ANO10: variants seen among roughly 807,000 people sequenced by gnomAD.
The protein encoded by ANO10 is anoctamin-10.
ANO10 carries 77 observed loss-of-function variants against 74.7 expected under a neutral mutation model. The observed-to-expected ratio is 1.03, with a 90% CI of 0.86 to 1.25. The LOEUF is 1.25. Among genes scored for constraint, ANO10 ranks in the 50% most tolerant of loss-of-function variants. ANO10 has a pLI of 0.00. For missense variants in ANO10, 721 were observed against 778.1 expected (o/e 0.93, Z 0.87); for synonymous variants, 279 against 284.9 (o/e 0.98, Z 0.21).
intron 12 of ANO10, among the ~76,000 whole-genome samples, chr3:43,420,788 T>G (rs775392712): frequency 6.6e-6 from 1 of 152,234 alleles, no homozygotes; most frequent in Non-Finnish European, 1.5e-5. Flanking sequence ...TTAATGATGT[T>G]CACTTAATTA....
intron 12 of ANO10, among the ~76,000 whole-genome samples, chr3:43,421,009 G>A (rs2092811661): frequency 6.6e-6 from 1 of 152,270 alleles, no homozygotes; most frequent in East Asian, 1.9e-4. Flanking sequence ...CATCACTTGA[G>A]GTCAAGAGTT....
In ANO10 at chr3:43,421,838, CA is replaced by C. The variant is rs201751592; in HGVS notation, c.1914+10772del. 1.5e-3 allele frequency among the ~76,000 whole-genome samples: 40 copies of C among 25,976 alleles called. No individual in the cohort carries two copies. In the East Asian group the frequency reaches 0.026, roughly 17 times the overall value. 17.0% of individuals were successfully genotyped at this position (25,976 alleles called of 152,430 possible). On this transcript the variant is annotated intron_variant, in intron 12 of 12. Transcript: ENST00000292246. ...GAGTGACGGAGTAAGACCATGTCTC[CA>C]AAAAAAAAAGTTTTTTTATTGTGGT...
Position 43,432,727 on chromosome 3 carries a change from G to A in ANO10, c.1798C>T (p.His600Tyr). Residue 600 changes from histidine to tyrosine, a missense_variant and splice_region_variant, in exon 12 of 13, where the codon CAC becomes TAC. By Grantham distance (83) the His-to-Tyr change is moderately conservative. Coordinates refer to ENST00000292246, the MANE Select transcript of ANO10 (RefSeq NM_018075.5). ...ATAAACTTTAAAGCCAGGAGTGCGT[G>A]CTGAAAACAAGAAAGAGTACATGTT... ...DLILIVVAVE[H>Y]ALLALKFILA... The A allele has an allele frequency of 6.2e-7, 1 of 1,602,916 alleles. No homozygotes were observed. Among genetic ancestry groups the A allele is most frequent in the Non-Finnish European group, 8.5e-7 (1 of 1,170,026 alleles).
At chr3:43,500,455 G>A (rs1320761601) in intron 11 of ANO10, among the ~76,000 whole-genome samples, 4 of 152,194 alleles carry the variant, frequency 2.6e-5, no homozygotes, top group Non-Finnish European at 1.5e-5. Flanking sequence ...AGGAGTTGCT[G>A]TTGCCAAATC....
At chr3:43,373,071 G>C (rs2091675066) in intron 12 of ANO10, among the ~76,000 whole-genome samples, 1 of 152,180 alleles carries the variant, frequency 6.6e-6, no homozygotes, top group Non-Finnish European at 1.5e-5. Context: ...CTTTATGTCA[G>C]AAGCACCGGG....
At chr3:43,521,083 T>C (rs2077935348) in intron 11 of ANO10, among the ~76,000 whole-genome samples, 1 of 152,194 alleles carries the variant, frequency 6.6e-6, no homozygotes, top group Non-Finnish European at 1.5e-5. Context: ...CAAGAGCACA[T>C]CACCTGCAAA....
At chr3:43,536,759 C>T (rs967223434) in intron 11 of ANO10, among the ~76,000 whole-genome samples, 4 of 151,986 alleles carry the variant, frequency 2.6e-5, no homozygotes, top group African/African-American at 4.8e-5. Context: ...TTTTCGGTTG[C>T]CTTGTTCTTA....
At position 43,554,186 on chromosome 3, in the gene ANO10, CTT is replaced by C. The variant is rs58374632; in HGVS notation, c.1668+1090_1668+1091del. On this transcript the variant is annotated intron_variant, in intron 10 of 12. Coordinates refer to ENST00000292246, the MANE Select transcript of ANO10 (RefSeq NM_018075.5). ...GTTCTTTCTATGATGAGTGATTTTTCTTTTTTTTTTTTTTTTTCTTTTTTTGA... is the reference window on the plus strand; with the variant it reads ...GTTCTTTCTATGATGAGTGATTTTTCTTTTTTTTTTTTTTTCTTTTTTTGA... Among the ~76,000 whole-genome samples, 717 of 128,712 alleles carry C rather than the reference CTT, an allele frequency of 5.6e-3. 4 individuals are homozygous for C. Among genetic ancestry groups the C allele is most frequent in the African/African-American group, 0.018 (647 of 35,316 alleles). 84.4% of individuals were successfully genotyped at this position (128,712 alleles called of 152,430 possible). A position where few individuals can be genotyped will look rare whatever the true frequency, so the allele number is the denominator to read the frequency against.
chr3:43,382,020 A>G (rs949360813), intron 12 of ANO10, among the ~76,000 whole-genome samples: 5 of 152,234 alleles, frequency 3.3e-5, no homozygotes, highest in African/African-American at 7.2e-5. Context: ...TTTGAACTGA[A>G]TAATAGTGAC....
chr3:43,577,351 G>T, intron 5 of ANO10, 90 bp from the exon 6 acceptor site: 1 of 1,296,174 alleles, frequency 7.7e-7, no homozygotes, highest in Non-Finnish European at 1.1e-6. Flanking sequence ...TTTTAGTTAA[G>T]TGGGGATCAT....
intron 4 of ANO10, among the ~76,000 whole-genome samples, chr3:43,586,341 A>G (rs1183641458): frequency 6.6e-6 from 1 of 152,036 alleles, no homozygotes; most frequent in African/African-American, 2.4e-5. Flanking sequence ...TGCCAAACAC[A>G]AAATCCCTGC....
chr3:43,441,175 A>G (rs2093153215), intron 11 of ANO10, among the ~76,000 whole-genome samples: 1 of 151,848 alleles, frequency 6.6e-6, no homozygotes, highest in East Asian at 1.9e-4. Flanking sequence ...AAGAAAGGAA[A>G]TAATAAAGAT....
rs111871863 is a variant in ANO10, at chr3:43,366,727, G to A, written c.*179C>T. 0.022 allele frequency: 14,757 copies of A among 676,920 alleles called. 229 individuals carry two copies. Among genetic ancestry groups the A allele is most frequent in the Non-Finnish European group, 0.031 (11,808 of 379,364 alleles). 41.9% of individuals were successfully genotyped at this position (676,920 alleles called of 1,614,324 possible). ...GGCTGGGGGAACTGCCAAGGATCCC[G>A]AGCCAAGCCACTGCGAAACTGAGAA... is the stretch of plus-strand genomic sequence containing the variant. On this transcript the variant is annotated 3_prime_UTR_variant, in exon 13 of 13. Coordinates refer to ENST00000292246, the MANE Select transcript of ANO10 (RefSeq NM_018075.5).
Position 43,435,101 on chromosome 3 carries a change from G to A in ANO10, c.1798-2374C>T, listed in dbSNP as rs190184866. 3.6e-3 allele frequency among the ~76,000 whole-genome samples: 553 copies of A among 152,284 alleles called. 3 individuals are homozygous for A. Among genetic ancestry groups the A allele is most frequent in the African/African-American group, 0.013 (520 of 41,562 alleles). ...AAATGAATTACATATGCCCTGCCACGCTCCTAAACTCACCTCGTCCTGATT... is the reference window on the plus strand; with the variant it reads ...AAATGAATTACATATGCCCTGCCACACTCCTAAACTCACCTCGTCCTGATT... On this transcript the variant is annotated intron_variant, in intron 11 of 12. Coordinates refer to ENST00000292246, the MANE Select transcript of ANO10 (RefSeq NM_018075.5).
At chr3:43,412,447 C>G (rs949438056) in intron 12 of ANO10, among the ~76,000 whole-genome samples, 1 of 152,186 alleles carries the variant, frequency 6.6e-6, no homozygotes, top group Non-Finnish European at 1.5e-5. Flanking sequence ...TGGCTGAACA[C>G]ACCGTTGCCT....
intron 11 of ANO10, 36 bp downstream of exon 11, chr3:43,549,684 G>A: frequency 6.2e-7 from 1 of 1,610,998 alleles, no homozygotes; most frequent in South Asian, 1.1e-5. Context: ...AACGTAATAT[G>A]GATACTGCTT....
chr3:43,629,245 G>A (rs555896058), intron 1 of ANO10, among the ~76,000 whole-genome samples: 1 of 152,272 alleles, frequency 6.6e-6, no homozygotes, highest in South Asian at 2.1e-4. Flanking sequence ...GGAGGAGATT[G>A]ACTTTGGATT....
intron 11 of ANO10, among the ~76,000 whole-genome samples, chr3:43,499,042 C>T (rs1026635611): frequency 4.6e-5 from 7 of 152,126 alleles, no homozygotes; most frequent in African/African-American, 1.7e-4. Context: ...ACACCAAAAC[C>T]TGGGGATTAC....
intron 1 of ANO10, among the ~76,000 whole-genome samples, chr3:43,657,708 C>A (rs1276945374): frequency 6.6e-6 from 1 of 152,160 alleles, no homozygotes. Context: ...TTTGTTCTGG[C>A]CCTGTTATCC....
Sources: gnomAD v4.1 joint callset for allele counts (sites outside exome capture counted in the v4.1 genomes callset) on GRCh38, gnomAD v4.1.1 for gene constraint, MANE v1.5 for transcripts, NCBI Gene and HGNC (gene_info 2026-07-23, HGNC 2026-07-21) for gene names.